PLCL1: variants seen among roughly 807,000 people sequenced by gnomAD.
PLCL1 encodes the protein inactive phospholipase C-like protein 1.
A neutral mutation model predicts 84.4 loss-of-function variants in PLCL1; 41 were observed. The observed-to-expected ratio is 0.49, with a 90% CI of 0.38 to 0.63. The LOEUF (loss-of-function observed/expected upper bound fraction) is 0.63. PLCL1 is among the 30% of genes least tolerant of loss of function. The pLI is 0.00. For missense variants in PLCL1, 1,206 were observed against 1,367.8 expected (o/e 0.88, Z 1.87); for synonymous variants, 490 against 488.3 (o/e 1.00, Z -0.05).
intron 1 of PLCL1, among the ~76,000 whole-genome samples, chr2:197,969,868 A>G (rs1437386097): frequency 6.6e-6 from 1 of 152,198 alleles, no homozygotes; most frequent in African/African-American, 2.4e-5. Context: ...AATGACTGCA[A>G]TGTCCAGAGT....
At chr2:198,001,930 C>T (rs1322760216) in intron 1 of PLCL1, 1 of 415,380 alleles carries the variant, frequency 2.4e-6, no homozygotes, top group Non-Finnish European at 4.8e-6. Flanking sequence ...GATGATCTGT[C>T]ACTGTCTCCT....
intron 1 of PLCL1, among the ~76,000 whole-genome samples, chr2:197,832,679 A>T (rs915827010): frequency 6.6e-6 from 1 of 152,170 alleles, no homozygotes; most frequent in Non-Finnish European, 1.5e-5. Flanking sequence ...TGATACCAAA[A>T]CCTGGCAGAG....
chr2:198,071,315 T>A (rs957570334), intron 1 of PLCL1, among the ~76,000 whole-genome samples: 5 of 152,108 alleles, frequency 3.3e-5, no homozygotes, highest in East Asian at 1.9e-4. Flanking sequence ...CTTACTTATA[T>A]CTTTGCTCAT....
chr2:197,869,241 C>T (rs1018030083), intron 1 of PLCL1, among the ~76,000 whole-genome samples: 7 of 152,118 alleles, frequency 4.6e-5, no homozygotes, highest in Admixed American at 4.6e-4. Context: ...CCTATTGTTT[C>T]TATCATATCA....
At chr2:198,046,609 A>G (rs893606682) in intron 1 of PLCL1, among the ~76,000 whole-genome samples, 8 of 152,176 alleles carry the variant, frequency 5.3e-5, no homozygotes, top group Admixed American at 5.2e-4. Flanking sequence ...AGGCCCAGGC[A>G]GGTGGATCAC....
intron 1 of PLCL1, among the ~76,000 whole-genome samples, chr2:197,864,569 C>T (rs1212594266): frequency 6.6e-6 from 1 of 151,468 alleles, no homozygotes; most frequent in Non-Finnish European, 1.5e-5. Context: ...TACCCTCGAT[C>T]TCCTGGGCTC....
chr2:197,922,754 G>C (rs1301036217), intron 1 of PLCL1, among the ~76,000 whole-genome samples: 2 of 120,318 alleles, frequency 1.7e-5, no homozygotes, highest in African/African-American at 3.0e-5. Flanking sequence ...CCTCCCGGAC[G>C]GGGTGGCTGG....
chr2:197,856,975 T>C (rs2105688667), intron 1 of PLCL1, among the ~76,000 whole-genome samples: 1 of 152,142 alleles, frequency 6.6e-6, no homozygotes, highest in Admixed American at 6.6e-5. Context: ...AAAATATTTA[T>C]TGAGAATGAG....
In PLCL1 at chr2:198,085,477, T is replaced by G; in HGVS notation, c.1960T>G (p.Leu654Val). 6.2e-7 allele frequency: 1 copy of G among 1,614,058 alleles called. No homozygotes were observed. The highest frequency in any genetic ancestry group is 2.2e-5 in the East Asian group (1 of 44,886). ...TGCCATGAGGATCGATTCCAGTAAC[T>G]TGAATCCACAGGACTTTTGGAATTG... ...PSAMRIDSSN[L>V]NPQDFWNCGC... Residue 654 changes from leucine to valine, a missense_variant, in exon 2 of 6, where the codon TTG (leucine) becomes GTG (valine). Coordinates refer to ENST00000428675, the MANE Select transcript of PLCL1 (RefSeq NM_006226.4). The surrounding 1 kb of genome is among the most constrained non-coding windows in gnomAD (Gnocchi z 5.3).
At chr2:197,853,785 T>A (rs1687284006) in intron 1 of PLCL1, among the ~76,000 whole-genome samples, 1 of 152,184 alleles carries the variant, frequency 6.6e-6, no homozygotes, top group Non-Finnish European at 1.5e-5. Flanking sequence ...TTTTATGCTT[T>A]TATGGCACCT....
intron 1 of PLCL1, among the ~76,000 whole-genome samples, chr2:197,908,810 T>C (rs1331011210): frequency 6.6e-6 from 1 of 152,226 alleles, no homozygotes; most frequent in Non-Finnish European, 1.5e-5. Flanking sequence ...TACTCCATTA[T>C]ATATTTTTAA....
chr2:197,922,017 TA>T (rs60395495), intron 1 of PLCL1, among the ~76,000 whole-genome samples: 53 of 139,298 alleles, frequency 3.8e-4, no homozygotes, highest in South Asian at 1.3e-3. Context: ...TTTTTTTTTT[TA>T]AATTTATTTT....
chr2:197,891,532 C>T lies in PLCL1; in HGVS notation c.240+86193C>T, dbSNP rs139304610. Among the ~76,000 whole-genome samples the T allele has an allele frequency of 2.1e-3, 321 of 151,454 alleles. 1 individual carries two copies. Among genetic ancestry groups the T allele is most frequent in the African/African-American group, 7.3e-3 (303 of 41,294 alleles). The stretch of plus-strand genomic sequence containing the variant: ...GGTGGAATTGGAAAGGGGATTATTG[C>T]CAGATACTGGAGGAGCTTGACTGTC... On this transcript the variant is annotated intron_variant, in intron 1 of 5. Coordinates refer to ENST00000428675, the MANE Select transcript of PLCL1 (RefSeq NM_006226.4).
chr2:197,815,762 G>T (rs901269728), intron 1 of PLCL1, among the ~76,000 whole-genome samples: 2 of 152,084 alleles, frequency 1.3e-5, no homozygotes, highest in Non-Finnish European at 2.9e-5. Context: ...TCAGGACTTC[G>T]GTGGGGGAAG....
chr2:197,830,317 A>T (rs762072512), intron 1 of PLCL1, among the ~76,000 whole-genome samples: 1 of 152,038 alleles, frequency 6.6e-6, no homozygotes, highest in Non-Finnish European at 1.5e-5. Context: ...CAGTTTAGAG[A>T]AGAACATAAA....
At chr2:198,026,863 T>C (rs1198260898) in intron 1 of PLCL1, among the ~76,000 whole-genome samples, 1 of 152,084 alleles carries the variant, frequency 6.6e-6, no homozygotes, top group East Asian at 1.9e-4. Context: ...ATACCAAAGA[T>C]TACAAATATT....
At chr2:197,935,011 G>A (rs1689021307) in intron 1 of PLCL1, among the ~76,000 whole-genome samples, 1 of 151,998 alleles carries the variant, frequency 6.6e-6, no homozygotes, top group East Asian at 1.9e-4. Context: ...ACATACACTC[G>A]GCCAACTAGC....
At chr2:197,913,362 T>C (rs1283729309) in intron 1 of PLCL1, among the ~76,000 whole-genome samples, 1 of 152,234 alleles carries the variant, frequency 6.6e-6, no homozygotes, top group East Asian at 1.9e-4. Flanking sequence ...GCTTCATCAC[T>C]AAAGCCTTTT....
chr2:198,016,102 C>A (rs557150461), intron 1 of PLCL1, among the ~76,000 whole-genome samples: 5 of 152,174 alleles, frequency 3.3e-5, no homozygotes, highest in African/African-American at 9.6e-5. Flanking sequence ...AATAGTGACA[C>A]TAATGCCTCA....
Sources: gnomAD v4.1 joint callset for allele counts (sites outside exome capture counted in the v4.1 genomes callset) on GRCh38, gnomAD v4.1.1 for gene constraint, Gnocchi (gnomAD v3.1) non-coding constraint, MANE v1.5 for transcripts, NCBI Gene and HGNC (gene_info 2026-07-23, HGNC 2026-07-21) for gene names.